Variants in ZNF892 observed in about 807,000 individuals in gnomAD.
The protein encoded by ZNF892 is zinc finger protein 570-like.
chr2:95,215,672 A>G, the ZNF892 span: 5 of 397,930 alleles, frequency 1.3e-5, no homozygotes, highest in African/African-American at 2.1e-5. Context: ...GTGGGGGTCT[A>G]CAAAGAAATT....
chr2:95,258,785 A>G, the ZNF892 span, among the ~76,000 whole-genome samples: 2 of 152,124 alleles, frequency 1.3e-5, no homozygotes, highest in Admixed American at 6.6e-5. Flanking sequence ...TTAGGGTCCC[A>G]TCCTCATCAC....
At chr2:95,227,256 G>A in the ZNF892 span, among the ~76,000 whole-genome samples, 4 of 151,762 alleles carry the variant, frequency 2.6e-5, no homozygotes, top group Non-Finnish European at 4.4e-5. Flanking sequence ...CAGGATTGCC[G>A]ACATCATGAC....
At chr2:95,259,298 T>C in the ZNF892 span, 3 of 152,870 alleles carry the variant, frequency 2.0e-5, no homozygotes, top group Non-Finnish European at 4.4e-5. Flanking sequence ...TTCACTGGGA[T>C]TGGAGTGTGT....
chr2:95,210,453 G>A, the ZNF892 span, among the ~76,000 whole-genome samples: 7 of 152,050 alleles, frequency 4.6e-5, no homozygotes, highest in Admixed American at 4.6e-4. Flanking sequence ...ATTCAAAAGA[G>A]CATTACCTGC....
the ZNF892 span, among the ~76,000 whole-genome samples, chr2:95,225,589 G>T: frequency 6.6e-5 from 10 of 152,218 alleles, no homozygotes. Context: ...ATTTCAACAT[G>T]AGTTTTGGAG....
the ZNF892 span, among the ~76,000 whole-genome samples, chr2:95,220,150 C>T: frequency 6.6e-6 from 1 of 152,096 alleles, no homozygotes; most frequent in Admixed American, 6.5e-5. Flanking sequence ...TGATACCACC[C>T]CAGGGTAAAG....
the ZNF892 span, chr2:95,207,826 A>C: frequency 2.5e-6 from 1 of 398,530 alleles, no homozygotes; most frequent in Non-Finnish European, 4.4e-6. Flanking sequence ...ATGGAACCTG[A>C]GGGCAGAGGT....
At chr2:95,256,530 G>A in the ZNF892 span, among the ~76,000 whole-genome samples, 1 of 152,152 alleles carries the variant, frequency 6.6e-6, no homozygotes, top group Non-Finnish European at 1.5e-5. Context: ...CAACTTTGGT[G>A]AATCTGACAA....
At chr2:95,229,666 A>G in the ZNF892 span, among the ~76,000 whole-genome samples, 1 of 152,326 alleles carries the variant, frequency 6.6e-6, no homozygotes, top group Admixed American at 6.5e-5. Context: ...ATTCCACTGT[A>G]GGAATATACT....
the ZNF892 span, among the ~76,000 whole-genome samples, chr2:95,253,299 T>G: frequency 1.3e-5 from 2 of 152,244 alleles, no homozygotes; most frequent in African/African-American, 4.8e-5. Context: ...GCTTTCTACA[T>G]ATGACTAGCC....
the ZNF892 span, among the ~76,000 whole-genome samples, chr2:95,225,524 C>G: frequency 6.6e-6 from 1 of 152,236 alleles, no homozygotes; most frequent in Non-Finnish European, 1.5e-5. Flanking sequence ...GCCCTCATGG[C>G]TTAATCACCT....
At chr2:95,233,575 A>T in the ZNF892 span, among the ~76,000 whole-genome samples, 6 of 141,568 alleles carry the variant, frequency 4.2e-5, no homozygotes, top group Non-Finnish European at 7.6e-5. Context: ...CAGGAGGCTG[A>T]GGCAGGAGAA....
chr2:95,222,052 A>G, the ZNF892 span, among the ~76,000 whole-genome samples: 2 of 152,090 alleles, frequency 1.3e-5, no homozygotes, highest in Non-Finnish European at 2.9e-5. Flanking sequence ...TTGTGTCACC[A>G]TCACCACAAA....
At chr2:95,247,681 C>T in the ZNF892 span, among the ~76,000 whole-genome samples, 3 of 151,862 alleles carry the variant, frequency 2.0e-5, no homozygotes, top group African/African-American at 7.3e-5. Flanking sequence ...AAAAAGTGGG[C>T]AAAAGAACAG....
the ZNF892 span, among the ~76,000 whole-genome samples, chr2:95,246,343 A>C: frequency 2.6e-5 from 4 of 152,224 alleles, no homozygotes; most frequent in Non-Finnish European, 5.9e-5. Context: ...TCAATAAACT[A>C]GGTATTGAAG....
At chr2:95,207,082 A>G in the ZNF892 span, among the ~76,000 whole-genome samples, 1 of 152,158 alleles carries the variant, frequency 6.6e-6, no homozygotes, top group South Asian at 2.1e-4. Context: ...CTTTATTCCG[A>G]GGTGCAATAT....
chr2:95,258,613 G>A, the ZNF892 span, among the ~76,000 whole-genome samples: 3 of 152,162 alleles, frequency 2.0e-5, no homozygotes, highest in Non-Finnish European at 2.9e-5. Flanking sequence ...GACAAAGAAC[G>A]AGGGAGTTGA....
At chr2:95,211,245 T>C in the ZNF892 span, among the ~76,000 whole-genome samples, 1 of 152,246 alleles carries the variant, frequency 6.6e-6, no homozygotes, top group Non-Finnish European at 1.5e-5. Context: ...TTAAAAACTA[T>C]ACCATAAGGA....
chr2:95,241,472 A>C, the ZNF892 span, among the ~76,000 whole-genome samples: 1 of 152,172 alleles, frequency 6.6e-6, no homozygotes, highest in East Asian at 1.9e-4. Flanking sequence ...AAAAGACCCC[A>C]CAAAAATCCC....
Sources: gnomAD v4.1 joint callset for allele counts (sites outside exome capture counted in the v4.1 genomes callset) on GRCh38, gnomAD v4.1.1 for gene constraint, MANE v1.5 for transcripts, NCBI Gene and HGNC (gene_info 2026-07-23, HGNC 2026-07-21) for gene names.